ALDH3A2: variants seen among roughly 807,000 people sequenced by gnomAD.
ALDH3A2 encodes the protein aldehyde dehydrogenase family 3 member A2.
In ALDH3A2, 36 loss-of-function variants were observed where a neutral mutation model predicts 51.3. That is an observed-to-expected ratio of 0.70 (90% CI 0.54 to 0.93). ALDH3A2 has a LOEUF of 0.93. Among genes scored for constraint, ALDH3A2 ranks in the 40% least tolerant of loss-of-function variants. The pLI, the probability that ALDH3A2 is intolerant of heterozygous loss-of-function variation, is 0.00. For synonymous variants in ALDH3A2, 199 were observed against 219.8 expected, an observed-to-expected ratio of 0.91 and a Z score of 0.84; for missense variants, 552 against 603.1, an observed-to-expected ratio of 0.92 and a Z score of 0.89.
intron 2 of ALDH3A2, among the ~76,000 whole-genome samples, chr17:19,652,026 C>T (rs2084823007): frequency 6.6e-6 from 1 of 152,174 alleles, no homozygotes; most frequent in Non-Finnish European, 1.5e-5. Flanking sequence ...TGTGAGTCAG[C>T]AGGCCCAGGA....
chr17:19,663,796 G>A (rs567351634), intron 7 of ALDH3A2, among the ~76,000 whole-genome samples: 1 of 151,924 alleles, frequency 6.6e-6, no homozygotes, highest in South Asian at 2.1e-4. Context: ...AGACTTATAT[G>A]TGCCAGCATT....
At chr17:19,666,617 A>G (rs2085041107) in intron 8 of ALDH3A2, among the ~76,000 whole-genome samples, 1 of 151,990 alleles carries the variant, frequency 6.6e-6, no homozygotes, top group Non-Finnish European at 1.5e-5. Flanking sequence ...TCTCTACTAA[A>G]AATACAAATG....
Position 19,648,971 on chromosome 17 carries a change from C to T in ALDH3A2, c.-1C>T. 1 of 1,586,114 alleles carries T rather than the reference C, an allele frequency of 6.3e-7. No individual in the cohort carries two copies. The highest frequency in any genetic ancestry group is 8.6e-7 in the Non-Finnish European group (1 of 1,167,192). ...CGTGCAGTTCTCTGCAGGACCAGGC[C>T]ATGGAGCTCGAAGTCCGGCGGGTCC... On this transcript the variant is annotated 5_prime_UTR_variant, in exon 1 of 10. Transcript: ENST00000176643.
intron 5 of ALDH3A2, among the ~76,000 whole-genome samples, chr17:19,659,102 G>A (rs781410706): frequency 7.2e-5 from 11 of 151,768 alleles, no homozygotes; most frequent in Non-Finnish European, 1.6e-4. Context: ...ATGGTGGCAC[G>A]CACCTATAAT....
intron 3 of ALDH3A2, among the ~76,000 whole-genome samples, chr17:19,653,708 A>G (rs1475693243): frequency 6.6e-6 from 1 of 152,202 alleles, no homozygotes; most frequent in Admixed American, 6.5e-5. Context: ...CAGAGTGAGC[A>G]GCAGCAGCAA....
intron 6 of ALDH3A2, chr17:19,661,536 CAG>C (rs2084966695): frequency 2.4e-6 from 1 of 417,748 alleles, no homozygotes; most frequent in African/African-American, 2.0e-5. Flanking sequence ...TCCTGAGAAG[CAG>C]AATAGAACTT....
intron 5 of ALDH3A2, 54 bp downstream of exon 5, chr17:19,657,916 T>C: frequency 7.1e-7 from 1 of 1,402,388 alleles, no homozygotes; most frequent in South Asian, 1.2e-5. Flanking sequence ...AGGAGTCAAA[T>C]TAACTATTCG....
At chr17:19,650,206 C>G (rs968593480) in intron 1 of ALDH3A2, among the ~76,000 whole-genome samples, 10 of 152,112 alleles carry the variant, frequency 6.6e-5, no homozygotes, top group Non-Finnish European at 1.3e-4. Context: ...GCCACCCCCC[C>G]GGCCTGTGGT....
In ALDH3A2 at chr17:19,676,438, G is replaced by A. The variant is rs913195973; in HGVS notation, c.*866G>A. Reference sequence around the variant, plus strand: ...GGAGGCCGAGGTGGGAGGATTGCTTGAGTCCAGGAATTTGAGACCAGCCTG... The same window carrying A: ...GGAGGCCGAGGTGGGAGGATTGCTTAAGTCCAGGAATTTGAGACCAGCCTG... On this transcript the variant is annotated 3_prime_UTR_variant, in exon 10 of 10. Transcript: ENST00000176643. 6.6e-6 allele frequency: 1 copy of A among 152,278 alleles called. No homozygotes were observed. Among genetic ancestry groups the A allele is most frequent in the African/African-American group, 2.4e-5 (1 of 41,422 alleles). The allele number at this position is 152,278 out of a possible 1,614,324, so 9.4% of individuals were successfully genotyped here.
intron 8 of ALDH3A2, among the ~76,000 whole-genome samples, chr17:19,670,304 T>C (rs2085095177): frequency 6.6e-6 from 1 of 152,184 alleles, no homozygotes; most frequent in Admixed American, 6.5e-5. Flanking sequence ...GAATATGTTA[T>C]ATCATCTCTT....
At chr17:19,673,664 G>T (rs891261251) in intron 9 of ALDH3A2, among the ~76,000 whole-genome samples, 5 of 152,108 alleles carry the variant, frequency 3.3e-5, no homozygotes, top group African/African-American at 7.2e-5. Context: ...GTTGCAGTGA[G>T]CCAAGATTGT....
intron 1 of ALDH3A2, 57 bp from the exon 2 acceptor site, chr17:19,651,490 C>T: frequency 7.0e-7 from 1 of 1,422,606 alleles, no homozygotes; most frequent in South Asian, 1.2e-5. Flanking sequence ...TTCTGACATT[C>T]AGGGCCAAGT....
At chr17:19,656,195 G>T (rs2084893410) in intron 3 of ALDH3A2, 171 bp from the exon 4 acceptor site, 1 of 697,122 alleles carries the variant, frequency 1.4e-6, no homozygotes, top group African/African-American at 1.8e-5. Flanking sequence ...CCATCGGACT[G>T]TGTGTTCTCC....
chr17:19,667,896 T>G (rs189225416), intron 8 of ALDH3A2, among the ~76,000 whole-genome samples: 14 of 152,326 alleles, frequency 9.2e-5, no homozygotes, highest in Admixed American at 2.6e-4. Context: ...TTAAGACTTT[T>G]GATAGATATT....
chr17:19,648,415 C>G (rs866804153), upstream of ALDH3A2: 13 of 154,272 alleles, frequency 8.4e-5, no homozygotes, highest in African/African-American at 3.1e-4. Flanking sequence ...CGTGCCAGAG[C>G]GGAGACTGCT....
At chr17:19,675,335 C>A in intron 9 of ALDH3A2, 1 of 593,446 alleles carries the variant, frequency 1.7e-6, no homozygotes, top group Non-Finnish European at 3.0e-6. Flanking sequence ...CGTTGTCTTA[C>A]TCTTATTGTT....
At chr17:19,673,444 G>T (rs574700006) in intron 9 of ALDH3A2, among the ~76,000 whole-genome samples, 1 of 151,818 alleles carries the variant, frequency 6.6e-6, no homozygotes, top group East Asian at 1.9e-4. Context: ...TGGGCCGGGC[G>T]CAGTGGCTCA....
intron 5 of ALDH3A2, among the ~76,000 whole-genome samples, chr17:19,658,441 G>A (rs1236988113): frequency 1.3e-5 from 2 of 151,994 alleles, no homozygotes. Flanking sequence ...GAAAGGAATG[G>A]GGGCTGGGCA....
At position 19,648,939 on chromosome 17, in the gene ALDH3A2, C is replaced by G; in HGVS notation, c.-33C>G. The G allele has an allele frequency of 6.4e-7, 1 of 1,562,258 alleles. No homozygotes were observed. Among genetic ancestry groups the G allele is most frequent in the Non-Finnish European group, 8.7e-7 (1 of 1,154,518 alleles). ...TTCCCGCCTCCCACTCCCCAGCGCC[C>G]CCGGACCGTGCAGTTCTCTGCAGGA... is the stretch of plus-strand genomic sequence containing the variant. On this transcript the variant is annotated 5_prime_UTR_variant, in exon 1 of 10. Coordinates refer to ENST00000176643, the MANE Select transcript of ALDH3A2 (RefSeq NM_000382.3).
Sources: gnomAD v4.1 joint callset for allele counts (sites outside exome capture counted in the v4.1 genomes callset) on GRCh38, gnomAD v4.1.1 for gene constraint, MANE v1.5 for transcripts, NCBI Gene and HGNC (gene_info 2026-07-23, HGNC 2026-07-21) for gene names.